Variants in SNX29 observed in about 807,000 individuals in gnomAD.
The protein encoded by SNX29 is sorting nexin 29.
Under a neutral mutation model 102.1 loss-of-function variants are expected in SNX29, and 78 were observed. That is an observed-to-expected ratio of 0.76 (90% CI 0.64 to 0.92). The LOEUF is 0.92. SNX29 is among the 40% of genes least tolerant of loss of function. SNX29 has a pLI of 0.00. For missense variants in SNX29, 1,280 were observed against 1,061.7 expected (o/e 1.21, Z -2.86); for synonymous variants, 580 against 414.5 (o/e 1.40, Z -4.85).
At chr16:12,337,102 C>T (rs1047776969) in intron 15 of SNX29, among the ~76,000 whole-genome samples, 1 of 152,208 alleles carries the variant, frequency 6.6e-6, no homozygotes, top group Non-Finnish European at 1.5e-5. Flanking sequence ...AACTCTTTTA[C>T]AGACAAGGAA....
intron 3 of SNX29, among the ~76,000 whole-genome samples, chr16:12,010,483 A>G (rs1051484574): frequency 6.6e-6 from 1 of 152,108 alleles, no homozygotes; most frequent in African/African-American, 2.4e-5. Context: ...TTAGCTAGCC[A>G]GGTGCGGTGG....
intron 15 of SNX29, among the ~76,000 whole-genome samples, chr16:12,290,999 T>C (rs1333318121): frequency 6.6e-6 from 1 of 152,200 alleles, no homozygotes; most frequent in African/African-American, 2.4e-5. Flanking sequence ...CAGCTTGTTA[T>C]TTACCACTGA....
chr16:12,315,543 G>T (rs2080704141), intron 15 of SNX29, among the ~76,000 whole-genome samples: 1 of 152,136 alleles, frequency 6.6e-6, no homozygotes, highest in African/African-American at 2.4e-5. Flanking sequence ...AGGTAATTAA[G>T]ATAAAACGTC....
At chr16:12,321,831 G>T (rs1798930930) in intron 15 of SNX29, among the ~76,000 whole-genome samples, 1 of 152,192 alleles carries the variant, frequency 6.6e-6, no homozygotes, top group Non-Finnish European at 1.5e-5. Flanking sequence ...AGGTCCTGAT[G>T]GGACTTCCTT....
chr16:12,459,013 C>G (rs997496006), intron 18 of SNX29, among the ~76,000 whole-genome samples: 1 of 151,562 alleles, frequency 6.6e-6, no homozygotes, highest in Non-Finnish European at 1.5e-5. Flanking sequence ...CCTTCCTCCT[C>G]CCTTTCTCCC....
chr16:12,365,506 A>G (rs1386553385), intron 16 of SNX29, among the ~76,000 whole-genome samples: 1 of 151,288 alleles, frequency 6.6e-6, no homozygotes, highest in Non-Finnish European at 1.5e-5. Context: ...CCTGGCCAAC[A>G]TGGTGAAACC....
In SNX29 at chr16:12,570,436, A is replaced by T. The variant is rs144686345; in HGVS notation, c.*1807A>T. On this transcript the variant is annotated 3_prime_UTR_variant, in exon 21 of 21. Coordinates refer to ENST00000566228, the MANE Select transcript of SNX29 (RefSeq NM_032167.5). ...ACATGACTGGCAACTCTAAATAGAG[A>T]GCCCTAATGGACTGAGGCAGGAAAC... 4.5e-4 allele frequency: 110 copies of T among 244,862 alleles called. 1 individual carries two copies. The highest frequency in any genetic ancestry group is 2.1e-3 in the African/African-American group (98 of 45,616). The allele number at this position is 244,862 out of a possible 1,614,324, so 15.2% of individuals were successfully genotyped here.
At chr16:12,192,349 T>A (rs1027402843) in intron 13 of SNX29, among the ~76,000 whole-genome samples, 1 of 152,196 alleles carries the variant, frequency 6.6e-6, no homozygotes, top group Non-Finnish European at 1.5e-5. Flanking sequence ...CTTGTCTCCA[T>A]GTGCACGGCT....
intron 19 of SNX29, among the ~76,000 whole-genome samples, chr16:12,513,658 T>C (rs2089735841): frequency 6.6e-6 from 1 of 152,220 alleles, no homozygotes; most frequent in Non-Finnish European, 1.5e-5. Context: ...AGGACCTTCC[T>C]CATGAATATT....
chr16:11,993,698 C>T (rs1045236953), intron 1 of SNX29, among the ~76,000 whole-genome samples: 3 of 152,116 alleles, frequency 2.0e-5, no homozygotes, highest in Non-Finnish European at 2.9e-5. Context: ...AATTTCTGCT[C>T]TTTCTCTCCA....
intron 18 of SNX29, among the ~76,000 whole-genome samples, chr16:12,437,654 T>C (rs1267901560): frequency 6.6e-6 from 1 of 152,116 alleles, no homozygotes; most frequent in Non-Finnish European, 1.5e-5. Flanking sequence ...AGCTGCCCTC[T>C]CCTCCTTCAT....
intron 19 of SNX29, among the ~76,000 whole-genome samples, chr16:12,509,768 C>T (rs1035235527): frequency 7.2e-5 from 11 of 152,102 alleles, no homozygotes; most frequent in African/African-American, 1.4e-4. Context: ...ATCCATGAAC[C>T]AATGAATGAA....
chr16:12,377,969 C>G (rs1432887507), intron 16 of SNX29, among the ~76,000 whole-genome samples: 1 of 152,100 alleles, frequency 6.6e-6, no homozygotes, highest in Admixed American at 6.6e-5. Flanking sequence ...AATGCTGGAG[C>G]TGGATGAGGC....
intron 13 of SNX29, among the ~76,000 whole-genome samples, chr16:12,132,922 A>C (rs1441951901): frequency 6.6e-6 from 1 of 152,258 alleles, no homozygotes; most frequent in Non-Finnish European, 1.5e-5. Flanking sequence ...AACCTCTGCC[A>C]GTGGTCAGAA....
chr16:12,004,298 G>A (rs577551216), intron 3 of SNX29, among the ~76,000 whole-genome samples: 6 of 151,190 alleles, frequency 4.0e-5, no homozygotes, highest in East Asian at 3.9e-4. Context: ...CCGAGATTGC[G>A]CCACTGTACT....
chr16:12,104,120 A>T (rs1354593184), intron 11 of SNX29, among the ~76,000 whole-genome samples: 2 of 152,226 alleles, frequency 1.3e-5, no homozygotes, highest in Non-Finnish European at 2.9e-5. Flanking sequence ...ACTTGATCCC[A>T]TACCATCTGG....
intron 4 of SNX29, among the ~76,000 whole-genome samples, chr16:12,032,107 A>G (rs1370119796): frequency 6.6e-6 from 1 of 151,996 alleles, no homozygotes; most frequent in Non-Finnish European, 1.5e-5. Context: ...GGAATCATGC[A>G]ATATTTGTTC....
At chr16:12,330,676 T>C (rs1315432656) in intron 15 of SNX29, among the ~76,000 whole-genome samples, 1 of 152,230 alleles carries the variant, frequency 6.6e-6, no homozygotes, top group Non-Finnish European at 1.5e-5. Flanking sequence ...GCCCTGGTTC[T>C]TAACCAGCAC....
At chr16:12,092,852 A>T (rs149603214) in intron 11 of SNX29, among the ~76,000 whole-genome samples, 1 of 152,268 alleles carries the variant, frequency 6.6e-6, no homozygotes, top group East Asian at 1.9e-4. Flanking sequence ...TCCTTTACAC[A>T]TGTGGTGACA....
Sources: gnomAD v4.1 joint callset for allele counts (sites outside exome capture counted in the v4.1 genomes callset) on GRCh38, gnomAD v4.1.1 for gene constraint, MANE v1.5 for transcripts, NCBI Gene and HGNC (gene_info 2026-07-23, HGNC 2026-07-21) for gene names.